Variants in EFS observed in about 807,000 individuals in gnomAD.
EFS encodes Cas scaffolding protein family member 3.
In EFS, 34 loss-of-function variants were observed where a neutral mutation model predicts 42.2. That is an observed-to-expected ratio of 0.81 (90% confidence interval 0.61 to 1.07). The LOEUF (loss-of-function observed/expected upper bound fraction) is 1.07, where lower values mean the gene tolerates loss of function less well. EFS is among the 50% of genes least tolerant of loss of function. The pLI, the probability that EFS is intolerant of heterozygous loss-of-function variation, is 0.00. For missense variants in EFS, 717 were observed against 729.4 expected (o/e 0.98, Z 0.20); for synonymous variants, 299 against 320.7 (o/e 0.93, Z 0.72).
At position 23,359,425 on chromosome 14, in the gene EFS, C is replaced by T; in HGVS notation, c.1053G>A (p.Lys351=). ...PPRLPGYGGP[K]VEGDPEGREM... The stretch of plus-strand genomic sequence containing the variant: ...CCCTGCCCTCTGGATCCCCCTCGAC[C>T]TTGGGGCCTCCATAACCAGGCAGGC... The change falls in exon 4 of 6, where the codon AAG becomes AAA. Residue 351 remains lysine (K), a synonymous_variant. Transcript: ENST00000216733. The T allele has an allele frequency of 6.3e-7, 1 of 1,599,420 alleles. No individual in the cohort carries two copies. The highest frequency in any genetic ancestry group is 1.1e-5 in the South Asian group (1 of 90,468).
chr14:23,363,065 C>G (rs567434130), intron 1 of EFS, among the ~76,000 whole-genome samples: 2 of 152,126 alleles, frequency 1.3e-5, no homozygotes, highest in East Asian at 1.9e-4. Flanking sequence ...AGGCGCCCAC[C>G]ACCACGCCCG....
Position 23,359,081 on chromosome 14 carries a change from A to C in EFS, c.1162-116T>G, listed in dbSNP as rs186940197. On this transcript the variant is annotated intron_variant, in intron 4 of 5. Coordinates refer to ENST00000216733, the MANE Select transcript of EFS (RefSeq NM_005864.4). ...CCTTCCGAAGGACACTCCTGTTATC[A>C]GAGGTTGTAGTCCCTTGACTCCAGA... 227 of 1,161,222 alleles carry C rather than the reference A, an allele frequency of 2.0e-4. No individual in the cohort carries two copies. The East Asian group carries it at 5.5e-3, about 28-fold the overall frequency. The allele number at this position is 1,161,222 out of a possible 1,614,324, so 71.9% of individuals were successfully genotyped here.
intron 4 of EFS, 47 bp from the exon 5 acceptor site, chr14:23,359,012 G>A (rs368360806): frequency 7.1e-5 from 108 of 1,529,786 alleles, no homozygotes; most frequent in Middle Eastern, 3.5e-4. Context: ...GGAGCAGGAC[G>A]GGGTGGCCTC....
At chr14:23,363,933 C>T (rs1489015981) in intron 1 of EFS, among the ~76,000 whole-genome samples, 1 of 116,726 alleles carries the variant, frequency 8.6e-6, no homozygotes, top group Non-Finnish European at 1.9e-5. Flanking sequence ...GACCTTGTCT[C>T]AAAAAAAAAA....
In EFS at chr14:23,359,774, G is replaced by C. The variant is rs1362704908; in HGVS notation, c.704C>G (p.Ala235Gly). The C allele has an allele frequency of 2.0e-6, 3 of 1,519,850 alleles. No homozygotes were observed. The African/African-American group carries it at 4.2e-5, about 21-fold the overall frequency. The allele number at this position is 1,519,850 out of a possible 1,614,324, so 94.1% of individuals were successfully genotyped here. Residue 235 changes from alanine to glycine, a missense_variant, in exon 4 of 6, where the codon GCA becomes GGA. Transcript: ENST00000216733. ...RASALLNLYE[A>G]PEELLADGEG... ...CCCGTCTGCCAGCAGTTCCTCGGGTGCTTCATACAAATTGAGTAAGGCTGA... is the reference window on the plus strand; with the variant it reads ...CCCGTCTGCCAGCAGTTCCTCGGGTCCTTCATACAAATTGAGTAAGGCTGA...
Position 23,360,797 on chromosome 14 carries a change from C to T in EFS, c.55G>A (p.Glu19Lys). The change falls in exon 2 of 6, where the codon GAG (glutamate) becomes AAG (lysine). Residue 19 changes from glutamate to lysine, a missense_variant. Coordinates refer to ENST00000216733, the MANE Select transcript of EFS (RefSeq NM_005864.4). ...LARALYDNTA[E>K]SPQELSFRRG... ...CGGAAGGACAGCTCCTGGGGGGACT[C>T]AGCGGTGTTGTCATACAGTGCCCGG... The T allele has an allele frequency of 6.2e-7, 1 of 1,613,442 alleles. No homozygotes were observed. The highest frequency in any genetic ancestry group is 8.5e-7 in the Non-Finnish European group (1 of 1,179,726).
At chr14:23,362,476 G>A (rs1242924452) in intron 1 of EFS, among the ~76,000 whole-genome samples, 1 of 152,174 alleles carries the variant, frequency 6.6e-6, no homozygotes, top group African/African-American at 2.4e-5. Flanking sequence ...TCTCATGGCT[G>A]GGTGATTTTA....
At chr14:23,362,437 T>C (rs972519639) in intron 1 of EFS, among the ~76,000 whole-genome samples, 1 of 152,248 alleles carries the variant, frequency 6.6e-6, no homozygotes, top group Admixed American at 6.5e-5. Flanking sequence ...TTAGCTGATG[T>C]TTCCCTCTGG....
intron 1 of EFS, among the ~76,000 whole-genome samples, chr14:23,364,560 G>C (rs996715860): frequency 6.6e-6 from 1 of 151,402 alleles, no homozygotes; most frequent in African/African-American, 2.4e-5. Flanking sequence ...CTTATCCCTC[G>C]TCTCGAGATG....
At chr14:23,359,284 TC>T (rs1235023340) in intron 4 of EFS, 32 bp downstream of exon 4, 1 of 1,611,608 alleles carries the variant, frequency 6.2e-7, no homozygotes, top group Non-Finnish European at 8.5e-7. Flanking sequence ...CCCTCTGGGG[TC>T]CCTCCTGGTG....
Position 23,359,859 on chromosome 14 carries a change from C to T in EFS, c.619G>A (p.Glu207Lys), listed in dbSNP as rs745547779. Residue 207 changes from glutamate (E) to lysine (K), a missense_variant, in exon 4 of 6, where the codon GAA becomes AAA. By Grantham distance (56) the Glu-to-Lys change is moderately conservative (BLOSUM62 1). Coordinates refer to ENST00000216733, the MANE Select transcript of EFS (RefSeq NM_005864.4). ...GGGGGCCCCGGCTCCCGGCCTCCTT[C>T]CCACTCCAGATCTGGTTCCAGCTCT... ...PAELEPDLEW[E>K]GGREPGPPIY... 1.3e-6 allele frequency: 2 copies of T among 1,525,766 alleles called. No individual in the cohort carries two copies. The highest frequency in any genetic ancestry group is 2.6e-5 in the South Asian group (2 of 75,872). 94.5% of individuals were successfully genotyped at this position (1,525,766 alleles called of 1,614,324 possible).
Position 23,357,359 on chromosome 14 carries a change from G to C in EFS, c.1553C>G (p.Thr518Ser). ...GGCAGCTCCCTTGACAGCCAGCACA[G>C]TGGCCCGCAATGCCTGGCCCAGTGC... ...GTALGQALRA[T>S]VLAVKGAALG... Residue 518 changes from threonine (T) to serine (S), a missense_variant, in exon 6 of 6, where the codon ACT (threonine) becomes AGT (serine). Coordinates refer to ENST00000216733, the MANE Select transcript of EFS (RefSeq NM_005864.4). 6.2e-7 allele frequency: 1 copy of C among 1,611,378 alleles called. No homozygotes were observed. The highest frequency in any genetic ancestry group is 8.5e-7 in the Non-Finnish European group (1 of 1,178,026).
intron 1 of EFS, among the ~76,000 whole-genome samples, chr14:23,362,308 A>C (rs1890179164): frequency 6.6e-6 from 1 of 152,240 alleles, no homozygotes; most frequent in African/African-American, 2.4e-5. Flanking sequence ...CTAGCCAGGT[A>C]GCCAAACGGA....
At chr14:23,363,805 G>T (rs568489764) in intron 1 of EFS, among the ~76,000 whole-genome samples, 71 of 152,154 alleles carry the variant, frequency 4.7e-4, no homozygotes, top group African/African-American at 1.7e-3. Flanking sequence ...GTGGTGGTGC[G>T]TGCTTGTAGT....
intron 3 of EFS, 25 bp from the exon 4 acceptor site, chr14:23,360,064 C>T: frequency 1.9e-6 from 3 of 1,614,028 alleles, no homozygotes; most frequent in Non-Finnish European, 2.5e-6. Context: ...GGTCAGTCAT[C>T]TGTCAGCTCA....
chr14:23,358,508 G>A (rs1356065480), intron 5 of EFS, among the ~76,000 whole-genome samples: 2 of 152,158 alleles, frequency 1.3e-5, no homozygotes, highest in African/African-American at 4.8e-5. Context: ...TGGCTTCTCA[G>A]TAGTGAAGCT....
chr14:23,357,592 AG>A lies in EFS; in HGVS notation c.1319del (p.Ala440ValfsTer18). 6 of 1,594,910 alleles carry A rather than the reference AG, an allele frequency of 3.8e-6. No homozygotes were observed. Among genetic ancestry groups the A allele is most frequent in the Non-Finnish European group, 5.1e-6 (6 of 1,166,700 alleles). On this transcript the variant is annotated frameshift_variant, in exon 6 of 6. Coordinates refer to ENST00000216733, the MANE Select transcript of EFS (RefSeq NM_005864.4). LOFTEE classifies it high-confidence loss of function. ...TGDLQLLYFY[A>X]GQCQSHYSAL... Reference sequence around the variant, plus strand: ...CTGAGTAGTGGCTCTGGCATTGCCCAGCATAGAAGTACAGGAGCTGCAGATC... The same window carrying A: ...CTGAGTAGTGGCTCTGGCATTGCCCACATAGAAGTACAGGAGCTGCAGATC...
At position 23,362,029 on chromosome 14, in the gene EFS, G is replaced by T. The variant is rs187226892; in HGVS notation, c.19-1196C>A. ...TACAAATGTAGGAATCTACTTAAAA[G>T]AAAGAGTAGTAACAGTGGCTGAGAG... is the stretch of plus-strand genomic sequence containing the variant. On this transcript the variant is annotated intron_variant, in intron 1 of 5. Transcript: ENST00000216733. Among the ~76,000 whole-genome samples the T allele has an allele frequency of 4.7e-5, 7 of 148,740 alleles. No individual in the cohort carries two copies. The East Asian group carries it at 1.2e-3, about 25-fold the overall frequency.
chr14:23,364,515 T>C (rs1890255972), intron 1 of EFS, among the ~76,000 whole-genome samples: 1 of 152,186 alleles, frequency 6.6e-6, no homozygotes. Flanking sequence ...CTTCTCTTTC[T>C]TGATCTCCCT....
Sources: gnomAD v4.1 joint callset for allele counts (sites outside exome capture counted in the v4.1 genomes callset) on GRCh38, gnomAD v4.1.1 for gene constraint, MANE v1.5 for transcripts, NCBI Gene and HGNC (gene_info 2026-07-23, HGNC 2026-07-21) for gene names.